Variants in SCHIP1 observed in about 807,000 individuals in gnomAD.
SCHIP1 encodes the protein schwannomin interacting protein 1.
Under a neutral mutation model 29.7 loss-of-function variants are expected in SCHIP1, and 8 were observed. That is an observed-to-expected ratio of 0.27 (90% CI 0.16 to 0.49). The LOEUF (loss-of-function observed/expected upper bound fraction) is 0.49. SCHIP1 is among the 20% of genes least tolerant of loss of function. The pLI is 0.99. For missense variants in SCHIP1, 193 were observed against 294.6 expected (o/e 0.66, Z 2.52); for synonymous variants, 76 against 94.9 (o/e 0.80, Z 1.16).
At chr3:159,434,203 T>C in the SCHIP1 span, among the ~76,000 whole-genome samples, 1 of 152,196 alleles carries the variant, frequency 6.6e-6, no homozygotes, top group Non-Finnish European at 1.5e-5. Flanking sequence ...GTTGCAAGAA[T>C]ACAGCAATGA....
chr3:159,420,137 A>T, the SCHIP1 span, among the ~76,000 whole-genome samples: 1 of 152,230 alleles, frequency 6.6e-6, no homozygotes, highest in African/African-American at 2.4e-5. Context: ...TAGATTTAAA[A>T]TGTAATTAAC....
the SCHIP1 span, among the ~76,000 whole-genome samples, chr3:159,523,247 A>G: frequency 2.6e-5 from 4 of 152,268 alleles, no homozygotes; most frequent in African/African-American, 9.6e-5. Context: ...ATTTTCAGAT[A>G]TCCTGTTAGT....
intron 1 of SCHIP1, chr3:159,845,699 AG>A (rs1219677690): frequency 6.6e-6 from 1 of 152,204 alleles, no homozygotes; most frequent in African/African-American, 2.4e-5. Context: ...GGCTTCTTGA[AG>A]ACAAGGGGCC....
the SCHIP1 span, among the ~76,000 whole-genome samples, chr3:159,766,961 C>A: frequency 2.0e-5 from 3 of 152,142 alleles, no homozygotes; most frequent in African/African-American, 7.2e-5. Flanking sequence ...ACCTAGTGAA[C>A]AGTTTGCATA....
chr3:159,710,767 C>T, the SCHIP1 span, among the ~76,000 whole-genome samples: 1 of 151,916 alleles, frequency 6.6e-6, no homozygotes, highest in African/African-American at 2.4e-5. Flanking sequence ...GAAAAAAGCA[C>T]AATGGAATTT....
At chr3:159,443,149 G>T in the SCHIP1 span, among the ~76,000 whole-genome samples, 1 of 152,132 alleles carries the variant, frequency 6.6e-6, no homozygotes, top group Non-Finnish European at 1.5e-5. Context: ...GTGAGACTGC[G>T]ATTCTCTCTG....
chr3:159,837,373 A>G (rs906950006), upstream of SCHIP1, among the ~76,000 whole-genome samples: 1 of 152,206 alleles, frequency 6.6e-6, no homozygotes, highest in Non-Finnish European at 1.5e-5. Flanking sequence ...CTTATCTGCT[A>G]CCTTGCAAAG....
chr3:159,480,059 T>G, the SCHIP1 span, among the ~76,000 whole-genome samples: 1 of 152,130 alleles, frequency 6.6e-6, no homozygotes, highest in East Asian at 1.9e-4. Context: ...CCACCAGCCT[T>G]CTAACACATA....
the SCHIP1 span, among the ~76,000 whole-genome samples, chr3:159,405,807 C>T: frequency 6.6e-6 from 1 of 150,688 alleles, no homozygotes; most frequent in African/African-American, 2.4e-5. Flanking sequence ...CACTTGAACC[C>T]AGTAGGCGGA....
the SCHIP1 span, among the ~76,000 whole-genome samples, chr3:159,397,522 T>C: frequency 6.6e-6 from 1 of 152,174 alleles, no homozygotes; most frequent in African/African-American, 2.4e-5. Context: ...TTTCTGTTTG[T>C]TAGTTTTCCT....
In SCHIP1 at chr3:159,861,055, C is replaced by T. The variant is rs557474147; in HGVS notation, c.31-5108C>T. Among the ~76,000 whole-genome samples, 5 of 152,226 alleles carry T rather than the reference C, an allele frequency of 3.3e-5. No individual in the cohort carries two copies. The South Asian group carries it at 1.0e-3, about 32-fold the overall frequency. On this transcript the variant is annotated intron_variant, in intron 1 of 6. Coordinates refer to ENST00000445224, the Ensembl canonical transcript of SCHIP1. This position sits in a 1 kb window ranked among gnomAD's most constrained non-coding sequence, Gnocchi z 4.1. Reference sequence around the variant, plus strand: ...GTGTTCCTGAGAACCCTAGAGGCCCCCCAGATTTTCCCACAAAAAATATAG... The same window carrying T: ...GTGTTCCTGAGAACCCTAGAGGCCCTCCAGATTTTCCCACAAAAAATATAG...
At chr3:159,640,001 G>A in the SCHIP1 span, among the ~76,000 whole-genome samples, 1 of 152,090 alleles carries the variant, frequency 6.6e-6, no homozygotes, top group Non-Finnish European at 1.5e-5. Flanking sequence ...ATTATGATTT[G>A]TATCTTTTTT....
At chr3:159,467,277 C>T in the SCHIP1 span, among the ~76,000 whole-genome samples, 3 of 152,012 alleles carry the variant, frequency 2.0e-5, no homozygotes, top group Non-Finnish European at 2.9e-5. Context: ...CTTTAGTGGG[C>T]GTTTTAGTTG....
rs115807105 is a variant in SCHIP1 at position 159,866,843 on chromosome 3, G to A, written c.149+562G>A. On this transcript the variant is annotated intron_variant, in intron 2 of 6. Coordinates refer to ENST00000445224, the Ensembl canonical transcript of SCHIP1. ...TTTCAGAATATTATTGGTCATTTGC[G>A]TAGCTTCTAATTCCAAGTAAGATAT... 6.7e-3 allele frequency among the ~76,000 whole-genome samples: 1,014 copies of A among 152,054 alleles called. 14 individuals are homozygous for A. Among genetic ancestry groups the A allele is most frequent in the African/African-American group, 0.023 (957 of 41,458 alleles).
the SCHIP1 span, among the ~76,000 whole-genome samples, chr3:159,335,613 G>A: frequency 1.6e-4 from 24 of 152,166 alleles, no homozygotes; most frequent in African/African-American, 3.4e-4. Context: ...TTATCCTTGC[G>A]ATAGTTTGCT....
the SCHIP1 span, among the ~76,000 whole-genome samples, chr3:159,745,085 T>C: frequency 2.6e-5 from 4 of 152,158 alleles, no homozygotes; most frequent in African/African-American, 9.7e-5. Flanking sequence ...TTTCCCTATG[T>C]GTATGTCTAT....
the SCHIP1 span, among the ~76,000 whole-genome samples, chr3:159,515,136 C>T: frequency 6.6e-6 from 1 of 151,964 alleles, no homozygotes; most frequent in Non-Finnish European, 1.5e-5. Context: ...AGTCTCAAAA[C>T]TTCTGTCTCT....
At chr3:159,784,246 C>T in the SCHIP1 span, among the ~76,000 whole-genome samples, 1 of 152,206 alleles carries the variant, frequency 6.6e-6, no homozygotes, top group Admixed American at 6.6e-5. Context: ...TGCCACATGT[C>T]ATCCCGTTGA....
chr3:159,314,394 C>G, the SCHIP1 span, among the ~76,000 whole-genome samples: 1 of 152,166 alleles, frequency 6.6e-6, no homozygotes, highest in Admixed American at 6.6e-5. Flanking sequence ...TCTAGAAGAT[C>G]AGTCTTAGTC....
Sources: allele counts gnomAD v4.1 joint callset (sites outside exome capture counted in the v4.1 genomes callset), GRCh38; gene constraint gnomAD v4.1.1; non-coding constraint Gnocchi (gnomAD v3.1); transcripts MANE v1.5; gene names NCBI Gene and HGNC (gene_info 2026-07-23, HGNC 2026-07-21).